The following ST3GAL2 variants were observed in gnomAD, a reference collection of about 807,000 sequenced individuals.
ST3GAL2 encodes the protein CMP-N-acetylneuraminate-beta-galactosamide-alpha-2,3-sialyltransferase 2.
ST3GAL2 carries 16 observed loss-of-function variants against 37.5 expected under a neutral mutation model. That is an observed-to-expected ratio of 0.43 (90% CI 0.29 to 0.65). ST3GAL2 has a LOEUF of 0.65. Ranked by LOEUF, ST3GAL2 falls within the 30% of genes least tolerant of loss-of-function variation. The pLI is 0.17. For missense variants in ST3GAL2, 383 were observed against 487.8 expected (o/e 0.79, Z 2.02); for synonymous variants, 238 against 202.9 (o/e 1.17, Z -1.47).
Position 70,395,055 on chromosome 16 carries a change from C to T in ST3GAL2, c.460G>A (p.Val154Met), listed in dbSNP as rs764592843. Residue 154 changes from valine to methionine, a missense_variant, in exon 3 of 7, where the codon GTG becomes ATG. Transcript: ENST00000342907. Reference protein sequence around the residue: ...RDPHQCRRCAVVGNSGNLRGS... With the variant: ...RDPHQCRRCAMVGNSGNLRGS... ...CGCAGGTTGCCCGAGTTCCCCACCACGGCACAGCGCCGGCACTGGTGGGGG... is the reference window on the plus strand; with the variant it reads ...CGCAGGTTGCCCGAGTTCCCCACCATGGCACAGCGCCGGCACTGGTGGGGG... 6 of 1,613,830 alleles carry T rather than the reference C, an allele frequency of 3.7e-6. No homozygotes were observed. The highest frequency in any genetic ancestry group is 2.2e-5 in the East Asian group (1 of 44,870).
At chr16:70,437,368 C>A (rs1201402139) in intron 1 of ST3GAL2, among the ~76,000 whole-genome samples, 1 of 152,142 alleles carries the variant, frequency 6.6e-6, no homozygotes, top group African/African-American at 2.4e-5. Context: ...AGCAGTGAAC[C>A]ATCTGGTTCA....
chr16:70,398,312 G>A lies in ST3GAL2; in HGVS notation c.219C>T (p.Arg73=), dbSNP rs1418728218. 1.9e-6 allele frequency: 3 copies of A among 1,613,408 alleles called. No homozygotes were observed. The highest frequency in any genetic ancestry group is 2.5e-6 in the Non-Finnish European group (3 of 1,180,040). ...ERLSGKSCAC[R]RCMGDAGASD... is the part of the protein sequence containing the mutation. ...AGGCACCGGCATCGCCCATGCAGCGGCGACAGGCACAGCTCTTGCCCGAGA... is the reference window on the plus strand; with the variant it reads ...AGGCACCGGCATCGCCCATGCAGCGACGACAGGCACAGCTCTTGCCCGAGA... The change falls in exon 2 of 7, where the codon CGC becomes CGT. Residue 73 remains arginine (R), a synonymous_variant. Transcript: ENST00000342907.
Position 70,413,560 on chromosome 16 carries a change from C to CAAAAA in ST3GAL2, c.-1003-14032_-1003-14028dup, listed in dbSNP as rs978301918. Among the ~76,000 whole-genome samples the CAAAAA allele has an allele frequency of 1.3e-3, 41 of 32,080 alleles. 6 individuals are homozygous for CAAAAA. The highest frequency in any genetic ancestry group is 2.0e-3 in the African/African-American group (36 of 18,166). 21.0% of individuals were successfully genotyped at this position (32,080 alleles called of 152,430 possible). On this transcript the variant is annotated intron_variant, in intron 1 of 6. Coordinates refer to ENST00000342907, the MANE Select transcript of ST3GAL2 (RefSeq NM_006927.4). ...GAGAAACCCGTCTCTATCAAAAATA[C>CAAAAA]AAAAAAAAAAAAAAAAAAAAAAAAA...
At chr16:70,432,255 G>A (rs2047796271) in intron 1 of ST3GAL2, among the ~76,000 whole-genome samples, 2 of 152,092 alleles carry the variant, frequency 1.3e-5, no homozygotes, top group Non-Finnish European at 2.9e-5. Flanking sequence ...TTAATAGTTG[G>A]TAAAACAGCA....
intron 2 of ST3GAL2, among the ~76,000 whole-genome samples, chr16:70,397,245 G>A (rs1204470627): frequency 1.3e-5 from 2 of 150,114 alleles, no homozygotes; most frequent in Admixed American, 6.6e-5. Context: ...GTTTCACCAC[G>A]TTGGTCAGGC....
rs2304491 is a variant in ST3GAL2, at chr16:70,382,792, C to T, written c.879+13G>A. 1,550 of 1,613,810 alleles carry T rather than the reference C, an allele frequency of 9.6e-4. 24 individuals carry two copies. In the East Asian group the frequency reaches 0.03, roughly 32 times the overall value. On this transcript the variant is annotated intron_variant, in intron 6 of 6. Coordinates refer to ENST00000342907, the MANE Select transcript of ST3GAL2 (RefSeq NM_006927.4). ...CCATGGGTTCCCACCACCCACACCACGGGCCTACCCACCTCATCACACACA... is the reference window on the plus strand; with the variant it reads ...CCATGGGTTCCCACCACCCACACCATGGGCCTACCCACCTCATCACACACA...
At chr16:70,437,191 G>A (rs1007956171) in intron 1 of ST3GAL2, among the ~76,000 whole-genome samples, 7 of 152,318 alleles carry the variant, frequency 4.6e-5, no homozygotes, top group South Asian at 4.1e-4. Flanking sequence ...CCCAGGCAGG[G>A]TCACTCCCAC....
intron 1 of ST3GAL2, among the ~76,000 whole-genome samples, chr16:70,421,243 G>T (rs2047712415): frequency 6.6e-6 from 1 of 152,226 alleles, no homozygotes; most frequent in Non-Finnish European, 1.5e-5. Context: ...CAGGGCCCCT[G>T]GTTGCTAGGG....
chr16:70,395,290 T>G, intron 2 of ST3GAL2, 115 bp from the exon 3 acceptor site: 1 of 975,476 alleles, frequency 1.0e-6, no homozygotes, highest in Non-Finnish European at 1.5e-6. Flanking sequence ...ACAGGCCTCT[T>G]TATCCAGGGC....
At chr16:70,432,830 C>T (rs2047800300) in intron 1 of ST3GAL2, among the ~76,000 whole-genome samples, 1 of 152,216 alleles carries the variant, frequency 6.6e-6, no homozygotes, top group South Asian at 2.1e-4. Flanking sequence ...AGCTGGGACA[C>T]AGGAACTGAA....
At chr16:70,404,452 C>T (rs563937206) in intron 1 of ST3GAL2, among the ~76,000 whole-genome samples, 78 of 152,136 alleles carry the variant, frequency 5.1e-4, no homozygotes, top group Admixed American at 4.2e-3. Flanking sequence ...AGATGCTCAA[C>T]GTCATTAATC....
chr16:70,402,156 G>A (rs1014214467), intron 1 of ST3GAL2, among the ~76,000 whole-genome samples: 7 of 151,172 alleles, frequency 4.6e-5, no homozygotes, highest in Admixed American at 2.0e-4. Flanking sequence ...AAAATTAGCC[G>A]GGCATGGTGG....
intron 3 of ST3GAL2, among the ~76,000 whole-genome samples, chr16:70,392,417 AAAG>A (rs2047487876): frequency 6.6e-6 from 1 of 152,220 alleles, no homozygotes; most frequent in African/African-American, 2.4e-5. Context: ...TCCAGCAGCT[AAAG>A]AAGTATTCAG....
In ST3GAL2 at chr16:70,378,182, G is replaced by T. The variant is rs193110806; in HGVS notation, c.*3507C>A. On this transcript the variant is annotated 3_prime_UTR_variant, in exon 7 of 7. Transcript: ENST00000342907. ...TGTGGTCAAACATTGGGAGGCCAAA[G>T]GGGGTGGATGACCTGTGGTCAGGAG... The T allele has an allele frequency of 1.3e-5, 2 of 152,150 alleles. No homozygotes were observed. The highest frequency in any genetic ancestry group is 1.3e-4 in the Admixed American group (2 of 15,266). 9.4% of individuals were successfully genotyped at this position (152,150 alleles called of 1,614,324 possible).
intron 2 of ST3GAL2, among the ~76,000 whole-genome samples, chr16:70,397,818 T>C (rs1404060495): frequency 6.6e-6 from 1 of 152,032 alleles, no homozygotes; most frequent in Non-Finnish European, 1.5e-5. Context: ...CTAGGTTTTC[T>C]TAAAAAAAAA....
chr16:70,412,965 G>T (rs770770597), intron 1 of ST3GAL2, among the ~76,000 whole-genome samples: 2 of 151,788 alleles, frequency 1.3e-5, no homozygotes, highest in Non-Finnish European at 2.9e-5. Flanking sequence ...AGGTTGGCTT[G>T]AGGCTGGGCA....
rs538569969 is a variant in ST3GAL2 at position 70,414,075 on chromosome 16, T to C, written c.-1003-14542A>G. ...TGAATATATTTTTAGAATTTTATCT[T>C]TTTATGTATTACTGCTATGTGTTTA... On this transcript the variant is annotated intron_variant, in intron 1 of 6. Transcript: ENST00000342907. 9.8e-5 allele frequency among the ~76,000 whole-genome samples: 15 copies of C among 152,348 alleles called. No homozygotes were observed. The South Asian group carries it at 1.9e-3, about 19-fold the overall frequency.
Position 70,390,393 on chromosome 16 carries a change from A to G in ST3GAL2, c.534-1847T>C, listed in dbSNP as rs150881830. Among the ~76,000 whole-genome samples the G allele has an allele frequency of 2.0e-3, 304 of 152,300 alleles. 2 individuals are homozygous for G. The highest frequency in any genetic ancestry group is 7.0e-3 in the African/African-American group (290 of 41,558). On this transcript the variant is annotated intron_variant, in intron 3 of 6. Coordinates refer to ENST00000342907, the MANE Select transcript of ST3GAL2 (RefSeq NM_006927.4). The stretch of plus-strand genomic sequence containing the variant: ...TGGCCTTTTATAATTTTTTAAAGAA[A>G]CAACTTATAAAGAACAGCCTTCCGC...
In ST3GAL2 at chr16:70,385,698, CT is replaced by C. The variant is rs1034830291; in HGVS notation, c.714-2464del. ...ACATGAAAATGTTCCTTTTTTGGTT[CT>C]TTTTTTTTTTTTTTTTTTTTTTGAG... On this transcript the variant is annotated intron_variant, in intron 4 of 6. Transcript: ENST00000342907. Among the ~76,000 whole-genome samples the C allele has an allele frequency of 1.7e-3, 154 of 92,214 alleles. 1 individual carries two copies. Among genetic ancestry groups the C allele is most frequent in the South Asian group, 5.8e-3 (17 of 2,910 alleles). The allele number at this position is 92,214 out of a possible 152,430, so 60.5% of individuals were successfully genotyped here.
Sources: allele counts gnomAD v4.1 joint callset (sites outside exome capture counted in the v4.1 genomes callset), GRCh38; gene constraint gnomAD v4.1.1; transcripts MANE v1.5; gene names NCBI Gene and HGNC (gene_info 2026-07-23, HGNC 2026-07-21).